KCNH7: variants seen among roughly 807,000 people sequenced by gnomAD.
The protein encoded by KCNH7 is potassium voltage-gated channel subfamily H member 7, also known as voltage-gated inwardly rectifying potassium channel KCNH7.
Under a neutral mutation model 120.8 loss-of-function variants are expected in KCNH7, and 49 were observed. The ratio of observed to expected loss-of-function variants is 0.41; its 90% CI spans 0.32 to 0.51. The LOEUF (loss-of-function observed/expected upper bound fraction) is 0.51, where lower values mean the gene tolerates loss of function less well. Among genes scored for constraint, KCNH7 ranks in the 20% least tolerant of loss-of-function variants. The pLI, the probability that KCNH7 is intolerant of heterozygous loss-of-function variation, is 0.38. For missense variants in KCNH7, 1,097 were observed against 1,446.6 expected (o/e 0.76, Z 3.92); for synonymous variants, 547 against 516.1 (o/e 1.06, Z -0.81).
chr2:162,406,672 C>T (rs1687235131), intron 9 of KCNH7, among the ~76,000 whole-genome samples: 1 of 151,942 alleles, frequency 6.6e-6, no homozygotes, highest in Non-Finnish European at 1.5e-5. Context: ...AATCTCTGTC[C>T]TAGCATACAG....
At chr2:162,823,921 A>C (rs2105599379) in intron 2 of KCNH7, among the ~76,000 whole-genome samples, 1 of 151,092 alleles carries the variant, frequency 6.6e-6, no homozygotes, top group South Asian at 2.1e-4. Context: ...CCATATAAGA[A>C]GTACCTATGA....
rs1685947141 is a variant in KCNH7 at position 162,371,552 on chromosome 2, T to C, written c.*277A>G. On this transcript the variant is annotated 3_prime_UTR_variant, in exon 16 of 16. Transcript: ENST00000332142. ...AGTCTCCATGCAAGAGAAATTGGAG[T>C]TTCCTAACATGCATGTGATTTAAAA... The C allele has an allele frequency of 1.2e-6, 1 of 864,238 alleles. No individual in the cohort carries two copies. The highest frequency in any genetic ancestry group is 2.4e-5 in the South Asian group (1 of 42,354). 53.5% of individuals were successfully genotyped at this position (864,238 alleles called of 1,614,324 possible).
At chr2:162,728,764 G>A (rs1045098300) in intron 2 of KCNH7, among the ~76,000 whole-genome samples, 2 of 152,130 alleles carry the variant, frequency 1.3e-5, no homozygotes, top group African/African-American at 4.8e-5. Flanking sequence ...GGCAACAAGA[G>A]TGAAACTCCA....
At chr2:162,757,568 T>C (rs994066168) in intron 2 of KCNH7, among the ~76,000 whole-genome samples, 8 of 152,160 alleles carry the variant, frequency 5.3e-5, no homozygotes, top group African/African-American at 1.7e-4. Context: ...TATATATCTT[T>C]AGAAACGTTT....
intron 2 of KCNH7, among the ~76,000 whole-genome samples, chr2:162,675,043 T>A (rs1325763938): frequency 3.3e-5 from 5 of 151,572 alleles, no homozygotes; most frequent in Non-Finnish European, 7.4e-5. Flanking sequence ...AAGGTATTTA[T>A]AGCAAATAAC....
Position 162,571,737 on chromosome 2 carries a change from C to T in KCNH7, c.308-34657G>A, listed in dbSNP as rs1314606703. 9.1e-4 allele frequency among the ~76,000 whole-genome samples: 116 copies of T among 128,130 alleles called. 1 individual carries two copies. Among genetic ancestry groups the T allele is most frequent in the Admixed American group, 1.2e-3 (14 of 11,538 alleles). The allele number at this position is 128,130 out of a possible 152,430, so 84.1% of individuals were successfully genotyped here. On this transcript the variant is annotated intron_variant, in intron 2 of 15. Transcript: ENST00000332142. Reference sequence around the variant, plus strand: ...AACAGAACAGAGCCCTCAGAAATAACGCCACTTATCTACAACTATCTGATC... The same window carrying T: ...AACAGAACAGAGCCCTCAGAAATAATGCCACTTATCTACAACTATCTGATC...
chr2:162,451,297 C>T (rs2105572584), intron 6 of KCNH7, among the ~76,000 whole-genome samples: 1 of 152,034 alleles, frequency 6.6e-6, no homozygotes, highest in East Asian at 1.9e-4. Flanking sequence ...GTTTTGAGTT[C>T]TAGGGTTATC....
At chr2:162,441,774 A>C (rs952841410) in intron 7 of KCNH7, among the ~76,000 whole-genome samples, 3 of 152,152 alleles carry the variant, frequency 2.0e-5, no homozygotes, top group Admixed American at 1.3e-4. Flanking sequence ...AATGATTGAC[A>C]TAATGGGTGG....
chr2:162,416,949 T>C (rs895097919), intron 9 of KCNH7, among the ~76,000 whole-genome samples: 2 of 152,184 alleles, frequency 1.3e-5, no homozygotes, highest in Non-Finnish European at 2.9e-5. Context: ...TGGATTGCAA[T>C]ATGTCTAAAC....
chr2:162,454,792 C>A (rs1268102697), intron 6 of KCNH7, among the ~76,000 whole-genome samples: 1 of 151,980 alleles, frequency 6.6e-6, no homozygotes, highest in Admixed American at 6.6e-5. Flanking sequence ...GATTTTGTAT[C>A]CTGAGACTTT....
chr2:162,590,955 C>T (rs142898672), intron 2 of KCNH7, among the ~76,000 whole-genome samples: 19 of 152,178 alleles, frequency 1.2e-4, no homozygotes, highest in African/African-American at 4.6e-4. Context: ...CCTTGCCTAC[C>T]ATTTGACATC....
chr2:162,396,971 C>T (rs375299143), intron 10 of KCNH7, 26 bp from the exon 11 acceptor site: 49 of 1,498,766 alleles, frequency 3.3e-5, no homozygotes, highest in African/African-American at 1.9e-4. Flanking sequence ...GAAAAAGAGG[C>T]GGGGAAAGGG....
chr2:162,528,047 A>ATGC (rs1287703617), intron 3 of KCNH7: 1 of 152,106 alleles, frequency 6.6e-6, no homozygotes, highest in East Asian at 2.0e-4. Context: ...TTGCAAGGTG[A>ATGC]TGCTGATGGT....
intron 2 of KCNH7, among the ~76,000 whole-genome samples, chr2:162,670,209 A>T (rs1172536412): frequency 6.6e-6 from 1 of 151,980 alleles, no homozygotes; most frequent in Non-Finnish European, 1.5e-5. Context: ...ATGGTAGCTC[A>T]TGCCTGTAAT....
chr2:162,627,528 A>T lies in KCNH7; in HGVS notation c.308-90448T>A, dbSNP rs560406625. ...TAAATACTAAGATAACACATAGTTC[A>T]CAGTCAATAGGAATTATTTAAAATC... is the stretch of plus-strand genomic sequence containing the variant. On this transcript the variant is annotated intron_variant, in intron 2 of 15. Coordinates refer to ENST00000332142, the MANE Select transcript of KCNH7 (RefSeq NM_033272.4). Among the ~76,000 whole-genome samples, 6 of 152,342 alleles carry T rather than the reference A, an allele frequency of 3.9e-5. No individual in the cohort carries two copies. In the East Asian group the frequency reaches 1.2e-3, roughly 29 times the overall value.
At chr2:162,530,971 T>C (rs1447664190) in intron 3 of KCNH7, among the ~76,000 whole-genome samples, 2 of 151,972 alleles carry the variant, frequency 1.3e-5, no homozygotes, top group African/African-American at 4.8e-5. Context: ...AGAGGAAATC[T>C]AGGTCATATA....
intron 2 of KCNH7, among the ~76,000 whole-genome samples, chr2:162,813,695 T>C (rs932258727): frequency 6.6e-6 from 1 of 152,212 alleles, no homozygotes; most frequent in Non-Finnish European, 1.5e-5. Flanking sequence ...CTCTTTTACA[T>C]TTTTACACAC....
At chr2:162,566,357 C>T (rs575235156) in intron 2 of KCNH7, among the ~76,000 whole-genome samples, 99 of 151,930 alleles carry the variant, frequency 6.5e-4, no homozygotes, top group South Asian at 2.3e-3. Flanking sequence ...TTTTGGGACT[C>T]GCAAGTGTTC....
intron 2 of KCNH7, among the ~76,000 whole-genome samples, chr2:162,702,701 T>C (rs1172341305): frequency 6.6e-6 from 1 of 152,144 alleles, no homozygotes; most frequent in East Asian, 1.9e-4. Context: ...CTCCTTTCTC[T>C]CTTAGCACTC....
Sources: allele counts gnomAD v4.1 joint callset (sites outside exome capture counted in the v4.1 genomes callset), GRCh38; gene constraint gnomAD v4.1.1; transcripts MANE v1.5; gene names NCBI Gene and HGNC (gene_info 2026-07-23, HGNC 2026-07-21).